The following NLRC3 variants were observed in gnomAD, a reference collection of about 807,000 sequenced individuals.
NLRC3 encodes NLR family CARD domain containing 3.
A neutral mutation model predicts 91.6 loss-of-function variants in NLRC3; 87 were observed. That is an observed-to-expected ratio of 0.95 (90% CI 0.80 to 1.14). The LOEUF (loss-of-function observed/expected upper bound fraction) is 1.14. Ranked by LOEUF, NLRC3 falls within the 50% of genes most tolerant of loss-of-function variation. The pLI is 0.00. For missense variants in NLRC3, 1,577 were observed against 1,418.6 expected, an observed-to-expected ratio of 1.11 and a Z score of -1.79; for synonymous variants, 694 against 625.3, an observed-to-expected ratio of 1.11 and a Z score of -1.64.
Position 3,565,030 on chromosome 16 carries a change from T to C in NLRC3, c.7A>G (p.Lys3Glu), listed in dbSNP as rs770783848. The change falls in exon 4 of 20, where the codon AAG (lysine) becomes GAG (glutamate). Residue 3 changes from lysine (K) to glutamate (E), a missense_variant. Lys to Glu is a moderately conservative substitution (Grantham distance 56, BLOSUM62 1). Transcript: ENST00000359128. Reference protein sequence around the residue: MRKQEVRTGREAG... With the variant: MREQEVRTGREAG... The stretch of plus-strand genomic sequence containing the variant: ...TCCCTGCCCGTCCGCACCTCTTGCT[T>C]CCTCATGGAGTCGGGGATCACCTCC... 3.1e-6 allele frequency: 5 copies of C among 1,609,356 alleles called. No homozygotes were observed. The South Asian group carries it at 5.5e-5, about 18-fold the overall frequency.
intron 13 of NLRC3, 71 bp downstream of exon 13, chr16:3,549,071 T>C (rs1441911954): frequency 8.1e-7 from 1 of 1,230,428 alleles, no homozygotes; most frequent in Non-Finnish European, 1.2e-6. Context: ...AGGGTGCCCG[T>C]CAGCCCAGGC....
intron 1 of NLRC3, among the ~76,000 whole-genome samples, chr16:3,572,562 AT>A (rs1325091082): frequency 1.3e-5 from 2 of 152,204 alleles, no homozygotes; most frequent in Non-Finnish European, 1.5e-5. Flanking sequence ...TGCTGGAATT[AT>A]TGGCATGAGC....
Position 3,563,394 on chromosome 16 carries a change from G to A in NLRC3, c.1543C>T (p.Arg515Cys), listed in dbSNP as rs768766843. 3.8e-6 allele frequency: 6 copies of A among 1,579,540 alleles called. No homozygotes were observed. The highest frequency in any genetic ancestry group is 2.3e-5 in the East Asian group (1 of 43,074). ...GGAGACAAGAGGCCGGAGAGGAAGC[G>A]CAGGAACACGTCCAGCCTCCCGTCC... ...AEDGRLDVFLRFLSGLLSPRV... is the reference protein window; with the variant it reads ...AEDGRLDVFLCFLSGLLSPRV... Residue 515 changes from arginine (R) to cysteine (C), a missense_variant, in exon 5 of 20, where the codon CGC becomes TGC. By Grantham distance (180) the Arg-to-Cys change is radical (BLOSUM62 -3). Coordinates refer to ENST00000359128, the MANE Select transcript of NLRC3 (RefSeq NM_178844.4).
chr16:3,561,188 A>G (rs1358533988), intron 6 of NLRC3, among the ~76,000 whole-genome samples: 13 of 151,826 alleles, frequency 8.6e-5, no homozygotes, highest in Admixed American at 1.3e-4. Flanking sequence ...TGTCTCTACT[A>G]AAAATACAAA....
intron 15 of NLRC3, among the ~76,000 whole-genome samples, chr16:3,547,453 ATGT>A (rs2038749869): frequency 2.0e-5 from 3 of 148,432 alleles, no homozygotes; most frequent in Admixed American, 1.3e-4. Context: ...GGTGATGGAA[ATGT>A]TGTAAAATTG....
chr16:3,574,007 C>CTTTTTTTTTTTTTTTTTT (rs35126359), intron 1 of NLRC3, among the ~76,000 whole-genome samples: 1 of 40,398 alleles, frequency 2.5e-5, no homozygotes, highest in African/African-American at 1.0e-4. Context: ...ACCATTTTAT[C>CTTTTTTTTTTTTTTTTTT]TTTTTTTTTT....
intron 17 of NLRC3, 29 bp from the exon 18 acceptor site, chr16:3,542,804 A>G: frequency 2.6e-6 from 4 of 1,513,384 alleles, no homozygotes; most frequent in Non-Finnish European, 3.6e-6. Flanking sequence ...AGCCTAAGGC[A>G]TGGGTACAGG....
Position 3,561,647 on chromosome 16 carries a change from G to T in NLRC3, c.2015+55C>A. 4.1e-6 allele frequency: 5 copies of T among 1,226,026 alleles called. No individual in the cohort carries two copies. The Admixed American group carries it at 8.4e-5, about 21-fold the overall frequency. 75.9% of individuals were successfully genotyped at this position (1,226,026 alleles called of 1,614,324 possible). ...CTGAGCAGAGGATGATGGGAAGAGG[G>T]TTCCATACCCCACAAGACCATAGGC... On this transcript the variant is annotated intron_variant, in intron 6 of 19. Transcript: ENST00000359128.
Position 3,541,693 on chromosome 16 carries a change from C to T in NLRC3, c.*132G>A. 1 of 655,524 alleles carries T rather than the reference C, an allele frequency of 1.5e-6. No individual in the cohort carries two copies. The allele number at this position is 655,524 out of a possible 1,614,324, so 40.6% of individuals were successfully genotyped here. Reference sequence around the variant, plus strand: ...TCCTCCGGCAGCACCTCTCCTTCCTCCCTGCAGAGCCCGGCTCTCGTGCTG... The same window carrying T: ...TCCTCCGGCAGCACCTCTCCTTCCTTCCTGCAGAGCCCGGCTCTCGTGCTG... On this transcript the variant is annotated 3_prime_UTR_variant, in exon 20 of 20. Transcript: ENST00000359128.
chr16:3,554,374 C>T, intron 8 of NLRC3, 49 bp from the exon 9 acceptor site: 2 of 1,454,672 alleles, frequency 1.4e-6, no homozygotes, highest in East Asian at 2.3e-5. Context: ...AAGCTGGAAC[C>T]CAGGGGTCTG....
At chr16:3,555,454 CTGTT>C (rs1479316814) in intron 8 of NLRC3, among the ~76,000 whole-genome samples, 4 of 152,074 alleles carry the variant, frequency 2.6e-5, no homozygotes, top group African/African-American at 9.7e-5. Context: ...TGGGAAGTGA[CTGTT>C]TATGGGTATG....
chr16:3,561,468 C>T (rs956973595), intron 6 of NLRC3, among the ~76,000 whole-genome samples: 4 of 152,218 alleles, frequency 2.6e-5, no homozygotes, highest in Admixed American at 2.0e-4. Flanking sequence ...CCTGCCTGTG[C>T]ACAGCGGTGT....
At chr16:3,542,376 A>T in intron 18 of NLRC3, 102 bp from the exon 19 acceptor site, 1 of 762,146 alleles carries the variant, frequency 1.3e-6, no homozygotes, top group South Asian at 1.5e-5. Flanking sequence ...ACCCAGGCAG[A>T]TGTGTCCACA....
At chr16:3,551,766 C>CCCAT (rs370210844) in intron 10 of NLRC3, among the ~76,000 whole-genome samples, 61 of 111,598 alleles carry the variant, frequency 5.5e-4, no homozygotes, top group South Asian at 6.1e-4. Flanking sequence ...AGTCCTCTCA[C>CCCAT]CCATCCATCC....
intron 14 of NLRC3, 130 bp from the exon 15 acceptor site, chr16:3,548,348 GCCCAGACTTA>G: frequency 1.3e-6 from 1 of 743,560 alleles, no homozygotes; most frequent in Non-Finnish European, 2.3e-6. Flanking sequence ...TGCAACCCCT[GCCCAGACTTA>G]GTTCTCAGAG....
chr16:3,565,847 G>C (rs1018890963), intron 2 of NLRC3, among the ~76,000 whole-genome samples: 4 of 151,658 alleles, frequency 2.6e-5, no homozygotes, highest in Non-Finnish European at 5.9e-5. Context: ...TTTGAGACCA[G>C]CTTGGGCAAC....
chr16:3,542,284 A>G lies in NLRC3; in HGVS notation c.3024-10T>C, dbSNP rs2038444390. 3.3e-6 allele frequency: 5 copies of G among 1,534,800 alleles called. No individual in the cohort carries two copies. Among genetic ancestry groups the G allele is most frequent in the Admixed American group, 1.8e-5 (1 of 55,532 alleles). On this transcript the variant is annotated splice_polypyrimidine_tract_variant and intron_variant, in intron 18 of 19. Coordinates refer to ENST00000359128, the MANE Select transcript of NLRC3 (RefSeq NM_178844.4). ...AGAATTCTCTTGAAGACTAAGTGGAAAAGAGATGGAGACACACGGTGAGCC... is the reference window on the plus strand; with the variant it reads ...AGAATTCTCTTGAAGACTAAGTGGAGAAGAGATGGAGACACACGGTGAGCC...
intron 1 of NLRC3, among the ~76,000 whole-genome samples, chr16:3,568,686 C>T (rs1045827997): frequency 6.6e-6 from 1 of 152,028 alleles, no homozygotes; most frequent in Admixed American, 6.6e-5. Context: ...GAGATTGCAC[C>T]ATTGCACTCC....
In NLRC3 at chr16:3,564,193, C is replaced by G. The variant is rs761660402; in HGVS notation, c.744G>C (p.Leu248=). 1.2e-6 allele frequency: 2 copies of G among 1,613,502 alleles called. No homozygotes were observed. The highest frequency in any genetic ancestry group is 1.7e-6 in the Non-Finnish European group (2 of 1,179,872). ...GGTTGCCACGGATGATGTTGGTGAT[C>G]AGGTGGTCCACCGGGATCTCCTTCT... ...DPKKEIPVDH[L]ITNIIRGNLF... Residue 248 remains leucine (L), a synonymous_variant, in exon 5 of 20, where the codon CTG becomes CTC. Transcript: ENST00000359128. This position sits in a 1 kb window ranked among gnomAD's most constrained non-coding sequence, Gnocchi z 5.9.
Sources: allele counts gnomAD v4.1 joint callset (sites outside exome capture counted in the v4.1 genomes callset), GRCh38; gene constraint gnomAD v4.1.1; non-coding constraint Gnocchi (gnomAD v3.1); transcripts MANE v1.5; gene names NCBI Gene and HGNC (gene_info 2026-07-23, HGNC 2026-07-21).